Variants in FER1L6 observed in about 807,000 individuals in gnomAD.
FER1L6 encodes the protein fer-1 like family member 6, also known as fer-1-like protein 6.
A neutral mutation model predicts 219.2 loss-of-function variants in FER1L6; 177 were observed. The observed-to-expected ratio is 0.81, with a 90% confidence interval of 0.71 to 0.91. FER1L6 has a LOEUF of 0.91. FER1L6 is among the 40% of genes least tolerant of loss of function. FER1L6 has a pLI of 0.00. For missense variants in FER1L6, 2,153 were observed against 2,259.9 expected, an observed-to-expected ratio of 0.95 and a Z score of 0.96; for synonymous variants, 768 against 824.3, an observed-to-expected ratio of 0.93 and a Z score of 1.17.
At chr8:124,103,340 T>TG (rs1037416400) in intron 39 of FER1L6, 31 bp downstream of exon 39, 2 of 1,591,730 alleles carry the variant, frequency 1.3e-6, no homozygotes, top group African/African-American at 2.7e-5. Flanking sequence ...GTGGAGGAGA[T>TG]GGGGGAAGTT....
chr8:124,118,993 C>T lies in FER1L6; in HGVS notation c.5390+49C>T, dbSNP rs561126465. Reference sequence around the variant, plus strand: ...CATCAGAAATGGGAAGGGGCCTTTGCAGTCCTTGCTGGTGTCTGATAATGG... The same window carrying T: ...CATCAGAAATGGGAAGGGGCCTTTGTAGTCCTTGCTGGTGTCTGATAATGG... On this transcript the variant is annotated intron_variant, in intron 40 of 40. Transcript: ENST00000522917. 6.4e-5 allele frequency: 93 copies of T among 1,457,256 alleles called. No individual in the cohort carries two copies. In the South Asian group the frequency reaches 9.9e-4, roughly 15 times the overall value. 90.3% of individuals were successfully genotyped at this position (1,457,256 alleles called of 1,614,324 possible).
intron 1 of FER1L6, among the ~76,000 whole-genome samples, chr8:123,940,882 C>T (rs1391056405): frequency 6.6e-6 from 1 of 152,100 alleles, no homozygotes; most frequent in Non-Finnish European, 1.5e-5. Context: ...GGAACAAGCA[C>T]AGGGAAAGAG....
chr8:123,880,745 A>G (rs1817094203), intron 1 of FER1L6, among the ~76,000 whole-genome samples: 2 of 152,248 alleles, frequency 1.3e-5, no homozygotes, highest in African/African-American at 4.8e-5. Flanking sequence ...GTGAATACAC[A>G]GCATTGTCTC....
intron 1 of FER1L6, among the ~76,000 whole-genome samples, chr8:123,938,913 A>G (rs13279726): frequency 0.26 from 39,538 of 152,158 alleles, 5,572 homozygotes; most frequent in East Asian, 0.41. Context: ...CTAAAAATAC[A>G]AACAAAGCTT....
chr8:123,957,108 T>A (rs962745415), intron 2 of FER1L6, among the ~76,000 whole-genome samples: 8 of 152,328 alleles, frequency 5.3e-5, no homozygotes, highest in Middle Eastern at 3.4e-3. Flanking sequence ...TAATCTTCAC[T>A]CCTCTTGTCT....
At chr8:124,094,230 A>G (rs530819399) in intron 34 of FER1L6, among the ~76,000 whole-genome samples, 3 of 152,226 alleles carry the variant, frequency 2.0e-5, no homozygotes, top group African/African-American at 7.2e-5. Flanking sequence ...ACAGTATGTT[A>G]GCAAACAGTT....
rs761429146 is a variant in FER1L6, at chr8:124,039,978, C to G, written c.2561C>G (p.Thr854Arg). 4.3e-6 allele frequency: 7 copies of G among 1,613,942 alleles called. No individual in the cohort carries two copies. Among genetic ancestry groups the G allele is most frequent in the Non-Finnish European group, 5.9e-6 (7 of 1,179,998 alleles). The stretch of plus-strand genomic sequence containing the variant: ...CTTTCAGACCCTTTTGCCAAAGTCA[C>G]GTTCCTTTCTCACTGCCAGACAACA... ...NGLSDPFAKV[T>R]FLSHCQTTKI... is the part of the protein sequence containing the mutation. Residue 854 changes from threonine (T) to arginine (R), a missense_variant, in exon 20 of 41, where the codon ACG becomes AGG. Transcript: ENST00000522917.
chr8:123,927,443 T>A (rs1813607615), intron 1 of FER1L6, among the ~76,000 whole-genome samples: 1 of 152,206 alleles, frequency 6.6e-6, no homozygotes, highest in African/African-American at 2.4e-5. Context: ...GGGAAAACCG[T>A]GGGACATTTG....
chr8:124,115,292 G>A (rs1823196332), intron 39 of FER1L6, among the ~76,000 whole-genome samples: 1 of 151,738 alleles, frequency 6.6e-6, no homozygotes. Context: ...CCTTGGTGCT[G>A]AGCTGAATGC....
chr8:124,038,638 C>G (rs1819325284), intron 19 of FER1L6, among the ~76,000 whole-genome samples: 1 of 152,130 alleles, frequency 6.6e-6, no homozygotes, highest in Admixed American at 6.5e-5. Flanking sequence ...TTCAATAACC[C>G]TATGAGGAAC....
At chr8:123,907,336 C>T (rs987602481) in intron 1 of FER1L6, among the ~76,000 whole-genome samples, 2 of 152,282 alleles carry the variant, frequency 1.3e-5, no homozygotes, top group African/African-American at 4.8e-5. Flanking sequence ...TGACTTCATT[C>T]CATCAACAGA....
rs749040213 is a variant in FER1L6, at chr8:124,071,596, C to A, written c.4057C>A (p.Pro1353Thr). 1 of 1,614,122 alleles carries A rather than the reference C, an allele frequency of 6.2e-7. No homozygotes were observed. The highest frequency in any genetic ancestry group is 8.5e-7 in the Non-Finnish European group (1 of 1,179,996). The change falls in exon 31 of 41, where the codon CCT becomes ACT. Residue 1353 changes from proline (P) to threonine (T), a missense_variant. Coordinates refer to ENST00000522917, the MANE Select transcript of FER1L6 (RefSeq NM_001039112.2). Reference protein sequence around the residue: ...RIQQGIPPNHPVTVLIRVYIV... With the variant: ...RIQQGIPPNHTVTVLIRVYIV... ...CCAGCAAGGGATTCCGCCCAATCAC[C>A]CTGTCACAGTGCTGATCAGAGTATA...
intron 2 of FER1L6, among the ~76,000 whole-genome samples, chr8:123,961,087 T>TA (rs1036285440): frequency 6.6e-6 from 1 of 151,838 alleles, no homozygotes; most frequent in Non-Finnish European, 1.5e-5. Flanking sequence ...TTTGTCTCTC[T>TA]AAAAAAAATA....
rs1370719636 is a variant in FER1L6 at position 124,028,521 on chromosome 8, T to C, written c.2286+4925T>C. On this transcript the variant is annotated intron_variant, in intron 18 of 40. Coordinates refer to ENST00000522917, the MANE Select transcript of FER1L6 (RefSeq NM_001039112.2). ...TCACTCCAGTTTTTTAGCTGGGAAATAGGAAGTGAAGGTGGGCGGGGGTGG... is the reference window on the plus strand; with the variant it reads ...TCACTCCAGTTTTTTAGCTGGGAAACAGGAAGTGAAGGTGGGCGGGGGTGG... Among the ~76,000 whole-genome samples the C allele has an allele frequency of 6.6e-5, 9 of 136,764 alleles. No individual in the cohort carries two copies. In the East Asian group the frequency reaches 1.5e-3, roughly 23 times the overall value. The allele number at this position is 136,764 out of a possible 152,430, so 89.7% of individuals were successfully genotyped here.
intron 21 of FER1L6, chr8:124,046,897 C>T (rs1819764314): frequency 6.6e-6 from 1 of 152,202 alleles, no homozygotes; most frequent in African/African-American, 2.4e-5. Flanking sequence ...GCTAGTGTAG[C>T]AGTCTATACA....
chr8:123,956,463 T>C (rs1488014558), intron 2 of FER1L6, among the ~76,000 whole-genome samples: 1 of 152,084 alleles, frequency 6.6e-6, no homozygotes, highest in African/African-American at 2.4e-5. Context: ...ATTTTGAAAA[T>C]AAGAGGATCA....
intron 1 of FER1L6, among the ~76,000 whole-genome samples, chr8:123,887,311 G>C (rs78800184): frequency 0.028 from 4,259 of 152,148 alleles, 199 homozygotes; most frequent in African/African-American, 0.097. Context: ...CCAAACCCCC[G>C]GTGTTTTGGT....
chr8:124,036,371 A>G (rs1255004935), intron 19 of FER1L6: 1 of 152,230 alleles, frequency 6.6e-6, no homozygotes, highest in African/African-American at 2.4e-5. Flanking sequence ...GCGTAAGAGC[A>G]TTGTCTTTGG....
intron 7 of FER1L6, 55 bp from the exon 8 acceptor site, chr8:123,975,095 G>T: frequency 1.4e-6 from 2 of 1,472,990 alleles, no homozygotes; most frequent in Non-Finnish European, 1.8e-6. Context: ...AGAGAAAGGG[G>T]TGGGGCTGCT....
Sources: allele counts gnomAD v4.1 joint callset (sites outside exome capture counted in the v4.1 genomes callset), GRCh38; gene constraint gnomAD v4.1.1; transcripts MANE v1.5; gene names NCBI Gene and HGNC (gene_info 2026-07-23, HGNC 2026-07-21).